PTPRZ1: variants seen among roughly 807,000 people sequenced by gnomAD.
The protein encoded by PTPRZ1 is protein tyrosine phosphatase receptor type Z1, also known as receptor-type tyrosine-protein phosphatase zeta.
Under a neutral mutation model 214.1 loss-of-function variants are expected in PTPRZ1, and 82 were observed. That is an observed-to-expected ratio of 0.38 (90% confidence interval 0.32 to 0.46). PTPRZ1 has a LOEUF of 0.46. Among genes scored for constraint, PTPRZ1 ranks in the 20% least tolerant of loss-of-function variants. The pLI is 1.00. For missense variants in PTPRZ1, 2,603 were observed against 2,748.7 expected (o/e 0.95, Z 1.19); for synonymous variants, 945 against 987.9 (o/e 0.96, Z 0.81).
At chr7:121,924,020 A>T (rs1449551771) in intron 1 of PTPRZ1, among the ~76,000 whole-genome samples, 1 of 152,012 alleles carries the variant, frequency 6.6e-6, no homozygotes, top group East Asian at 1.9e-4. Context: ...TTTTTGGGAC[A>T]AATTTTAAGG....
In PTPRZ1 at chr7:121,976,850, T is replaced by C. The variant is rs745731159; in HGVS notation, c.618T>C (p.Phe206=). The C allele has an allele frequency of 3.1e-6, 5 of 1,609,886 alleles. No homozygotes were observed. The highest frequency in any genetic ancestry group is 4.2e-6 in the Non-Finnish European group (5 of 1,177,806). Residue 206 remains phenylalanine, a splice_region_variant and synonymous_variant, in exon 6 of 30, where the codon TTT becomes TTC. Coordinates refer to ENST00000393386, the MANE Select transcript of PTPRZ1 (RefSeq NM_002851.3). ...IIDGVESVSR[F]GKQAALDPFI... is the part of the protein sequence containing the mutation. ...ATGGAGTCGAAAGTGTTAGTCGTTT[T>C]GGTAAGCTACTTGGGGAACTATCTT... is the stretch of plus-strand genomic sequence containing the variant.
intron 12 of PTPRZ1, 39 bp from the exon 13 acceptor site, chr7:122,019,085 A>G: frequency 6.5e-7 from 1 of 1,542,690 alleles, no homozygotes; most frequent in Non-Finnish European, 8.8e-7. Context: ...CTTTTCCTTC[A>G]CCTTAAATAT....
intron 27 of PTPRZ1, among the ~76,000 whole-genome samples, chr7:122,055,992 C>T (rs1325651025): frequency 6.6e-6 from 1 of 151,652 alleles, no homozygotes; most frequent in East Asian, 1.9e-4. Flanking sequence ...GAATAGTATC[C>T]TATCTCATTA....
chr7:121,970,130 C>T (rs1383771551), intron 3 of PTPRZ1, among the ~76,000 whole-genome samples: 1 of 152,024 alleles, frequency 6.6e-6, no homozygotes, highest in Non-Finnish European at 1.5e-5. Flanking sequence ...AGGACATGAA[C>T]TCATCATTTT....
intron 3 of PTPRZ1, among the ~76,000 whole-genome samples, chr7:121,968,873 G>A (rs1797127000): frequency 6.6e-6 from 1 of 152,008 alleles, no homozygotes; most frequent in African/African-American, 2.4e-5. Flanking sequence ...TTTATCATTG[G>A]TGAATTTTTT....
intron 11 of PTPRZ1, among the ~76,000 whole-genome samples, chr7:122,008,162 T>C (rs1387253710): frequency 6.6e-6 from 1 of 152,142 alleles, no homozygotes; most frequent in East Asian, 1.9e-4. Flanking sequence ...AGGATGTTTA[T>C]GTGGAAATAT....
At chr7:121,937,346 G>A (rs1796115785) in intron 2 of PTPRZ1, among the ~76,000 whole-genome samples, 1 of 152,156 alleles carries the variant, frequency 6.6e-6, no homozygotes, top group Non-Finnish European at 1.5e-5. Context: ...GGGGACTGAG[G>A]AAGAAATATG....
intron 4 of PTPRZ1, among the ~76,000 whole-genome samples, 178 bp from the exon 5 acceptor site, chr7:121,975,995 T>G (rs1797418709): frequency 6.6e-6 from 1 of 152,204 alleles, no homozygotes; most frequent in South Asian, 2.1e-4. Flanking sequence ...GTCATTTTGG[T>G]TTTAGATATG....
chr7:121,990,213 A>G (rs1000247076), intron 8 of PTPRZ1, among the ~76,000 whole-genome samples: 2 of 152,214 alleles, frequency 1.3e-5, no homozygotes, highest in African/African-American at 4.8e-5. Flanking sequence ...AATGCATTGT[A>G]GGAAAATGTA....
intron 1 of PTPRZ1, among the ~76,000 whole-genome samples, chr7:121,896,716 T>C (rs1180575259): frequency 6.6e-6 from 1 of 151,214 alleles, no homozygotes; most frequent in East Asian, 1.9e-4. Context: ...GAGCTTGCAA[T>C]GAGCCAAGAT....
At chr7:121,943,264 T>C (rs1796279669) in intron 2 of PTPRZ1, among the ~76,000 whole-genome samples, 1 of 152,232 alleles carries the variant, frequency 6.6e-6, no homozygotes, top group Admixed American at 6.5e-5. Context: ...TATGTTCTTT[T>C]TTTGACAGTG....
intron 1 of PTPRZ1, among the ~76,000 whole-genome samples, chr7:121,879,326 G>C (rs1379056329): frequency 6.6e-6 from 1 of 152,144 alleles, no homozygotes; most frequent in East Asian, 1.9e-4. Flanking sequence ...GCATGCGCCT[G>C]TGCTGCTCTG....
At chr7:122,002,596 AT>A (rs1220379166) in intron 10 of PTPRZ1, among the ~76,000 whole-genome samples, 1 of 152,226 alleles carries the variant, frequency 6.6e-6, no homozygotes, top group East Asian at 1.9e-4. Flanking sequence ...CACTAAAAAT[AT>A]TAAAGAAAAA....
intron 14 of PTPRZ1, among the ~76,000 whole-genome samples, chr7:122,030,380 T>G (rs1799336018): frequency 6.6e-6 from 1 of 152,056 alleles, no homozygotes; most frequent in Admixed American, 6.6e-5. Context: ...CAGGATAACA[T>G]CAAGGGGTTT....
chr7:122,053,571 A>C (rs1291145116), intron 25 of PTPRZ1, among the ~76,000 whole-genome samples: 2 of 152,198 alleles, frequency 1.3e-5, no homozygotes, highest in African/African-American at 4.8e-5. Context: ...GATGATAGGT[A>C]ACCTTGAATA....
In PTPRZ1 at chr7:122,012,897, C is replaced by G. The variant is rs754038804; in HGVS notation, c.3851C>G (p.Pro1284Arg). ...AGTGAAAGTTCCCACCAAGTGGTAC[C>G]TTCTTTGTACAGTAATGATGAGTTG... ...LKSESSHQVV[P>R]SLYSNDELFQ... The change falls in exon 12 of 30, where the codon CCT becomes CGT. Residue 1284 changes from proline (P) to arginine (R), a missense_variant. Coordinates refer to ENST00000393386, the MANE Select transcript of PTPRZ1 (RefSeq NM_002851.3). The G allele has an allele frequency of 3.1e-6, 5 of 1,613,990 alleles. No homozygotes were observed. The highest frequency in any genetic ancestry group is 2.7e-5 in the African/African-American group (2 of 74,904).
At chr7:121,886,540 C>G (rs896380252) in intron 1 of PTPRZ1, among the ~76,000 whole-genome samples, 1 of 151,812 alleles carries the variant, frequency 6.6e-6, no homozygotes, top group Non-Finnish European at 1.5e-5. Flanking sequence ...AGTAGGAAAT[C>G]TTCACCAGCC....
At chr7:121,897,304 T>G (rs1395597357) in intron 1 of PTPRZ1, among the ~76,000 whole-genome samples, 1 of 152,092 alleles carries the variant, frequency 6.6e-6, no homozygotes, top group Admixed American at 6.6e-5. Flanking sequence ...ATAATAATGG[T>G]GGAGATACAG....
rs545492392 is a variant in PTPRZ1 at position 121,911,465 on chromosome 7, G to T, written c.59-16691G>T. Among the ~76,000 whole-genome samples the T allele has an allele frequency of 2.3e-3, 355 of 152,096 alleles. 2 individuals carry two copies. The highest frequency in any genetic ancestry group is 8.3e-3 in the African/African-American group (343 of 41,520). ...TGTCTCAGTAGTCATAACTAGTTAC[G>T]TGTATATTGTGGTTTTCTTCCATAT... is the stretch of plus-strand genomic sequence containing the variant. On this transcript the variant is annotated intron_variant, in intron 1 of 29. Transcript: ENST00000393386.
Sources: allele counts gnomAD v4.1 joint callset (sites outside exome capture counted in the v4.1 genomes callset), GRCh38; gene constraint gnomAD v4.1.1; transcripts MANE v1.5; gene names NCBI Gene and HGNC (gene_info 2026-07-23, HGNC 2026-07-21).